ZNF568: variants seen among roughly 807,000 people sequenced by gnomAD.
ZNF568 encodes the protein p53 inhibitor of SCO2 activation.
Under a neutral mutation model 18.1 loss-of-function variants are expected in ZNF568, and 11 were observed. The ratio of observed to expected loss-of-function variants is 0.61; its 90% confidence interval spans 0.38 to 1.00. The LOEUF (loss-of-function observed/expected upper bound fraction) is 1.00, where lower values mean the gene tolerates loss of function less well. Ranked by LOEUF, ZNF568 falls within the 50% of genes least tolerant of loss-of-function variation. ZNF568 has a pLI of 0.01. For synonymous variants in ZNF568, 213 were observed against 246.6 expected, an observed-to-expected ratio of 0.86 and a Z score of 1.28; for missense variants, 639 against 768.2, an observed-to-expected ratio of 0.83 and a Z score of 1.99.
chr19:36,978,821 A>C (rs1000261706), intron 7 of ZNF568, among the ~76,000 whole-genome samples: 4 of 152,114 alleles, frequency 2.6e-5, no homozygotes, highest in Non-Finnish European at 4.4e-5. Flanking sequence ...TCCATTGTGC[A>C]AGAAACACAA....
chr19:36,936,872 G>C lies in ZNF568; in HGVS notation c.262G>C (p.Gly88Arg), dbSNP rs1199748702. 4 of 1,612,380 alleles carry C rather than the reference G, an allele frequency of 2.5e-6. No homozygotes were observed. Residue 88 changes from glycine (G) to arginine (R), a missense_variant and splice_region_variant, in exon 5 of 7, where the codon GGC becomes CGC. Transcript: ENST00000333987. ...LENYSNLVTV[G>R]CQVTKPDVIF... ...GAACTACAGCAACCTAGTCACAGTG[G>C]GTAAGGTGGCTTGGTAGCCTTGCAA...
chr19:36,935,102 A>G (rs980913968), intron 4 of ZNF568, among the ~76,000 whole-genome samples: 1 of 152,090 alleles, frequency 6.6e-6, no homozygotes, highest in Non-Finnish European at 1.5e-5. Context: ...GGCTTCTTTT[A>G]TAGACTAACA....
At chr19:36,997,339 C>CT (rs761569125), downstream of ZNF568, 1 of 1,602,068 alleles carries the variant, frequency 6.2e-7, no homozygotes, top group Non-Finnish European at 8.5e-7. Context: ...TGGCTCAGAA[C>CT]TTACCCGACA....
chr19:36,921,541 T>C (rs1320111370), intron 2 of ZNF568, among the ~76,000 whole-genome samples: 2 of 152,108 alleles, frequency 1.3e-5, no homozygotes, highest in Non-Finnish European at 2.9e-5. Flanking sequence ...ATCTCAAGCA[T>C]AGCACTTCTC....
intron 6 of ZNF568, among the ~76,000 whole-genome samples, chr19:36,946,104 T>C (rs2073960410): frequency 6.6e-6 from 1 of 151,636 alleles, no homozygotes. Flanking sequence ...AAAATAATAA[T>C]AATGATAACA....
chr19:36,993,831 G>A (rs1242950292), intron 4 of ZNF568, among the ~76,000 whole-genome samples: 4 of 151,976 alleles, frequency 2.6e-5, no homozygotes, highest in African/African-American at 9.6e-5. Context: ...CAATTCTGTT[G>A]ATCTTTTCCA....
In ZNF568 at chr19:36,950,048, A is replaced by T; in HGVS notation, c.895A>T (p.Ile299Phe). Residue 299 changes from isoleucine (I) to phenylalanine (F), a missense_variant, in exon 7 of 7, where the codon ATT becomes TTT. Ile to Phe is a conservative substitution (Grantham distance 21). Transcript: ENST00000333987. Reference protein sequence around the residue: ...QMSNLIRHHRIHTGEKPYACK... With the variant: ...QMSNLIRHHRFHTGEKPYACK... Reference sequence around the variant, plus strand: ...GTCAAACCTTATTAGACACCACAGAATTCATACTGGGGAGAAACCTTATGC... The same window carrying T: ...GTCAAACCTTATTAGACACCACAGATTTCATACTGGGGAGAAACCTTATGC... 6.2e-7 allele frequency: 1 copy of T among 1,613,844 alleles called. No homozygotes were observed. Among genetic ancestry groups the T allele is most frequent in the Non-Finnish European group, 8.5e-7 (1 of 1,179,886 alleles).
chr19:36,930,364 C>G (rs1600781965), intron 4 of ZNF568, among the ~76,000 whole-genome samples: 2 of 151,972 alleles, frequency 1.3e-5, no homozygotes, highest in Admixed American at 1.3e-4. Flanking sequence ...CGCTCGCCAC[C>G]ACACCCGGCT....
At chr19:36,943,056 G>T (rs1342489615) in intron 6 of ZNF568, among the ~76,000 whole-genome samples, 1 of 152,118 alleles carries the variant, frequency 6.6e-6, no homozygotes, top group Non-Finnish European at 1.5e-5. Context: ...ACCTCCTTGT[G>T]GTGGTGTTTG....
Position 36,949,733 on chromosome 19 carries a change from T to C in ZNF568, c.580T>C (p.Tyr194His). Residue 194 changes from tyrosine (Y) to histidine (H), a missense_variant, in exon 7 of 7, where the codon TAT becomes CAT. By Grantham distance (83) the Tyr-to-His change is moderately conservative. Transcript: ENST00000333987. The stretch of plus-strand genomic sequence containing the variant: ...GGAACATAATTTAGACTTACTTAGA[T>C]ATGAGAAAGGCTGTGTAAGAGAGAA... ...GLEHNLDLLRYEKGCVREKQS... is the reference protein window; with the variant it reads ...GLEHNLDLLRHEKGCVREKQS... 1.2e-6 allele frequency: 2 copies of C among 1,613,998 alleles called. No individual in the cohort carries two copies. Among genetic ancestry groups the C allele is most frequent in the Non-Finnish European group, 1.7e-6 (2 of 1,179,902 alleles).
At chr19:36,927,844 A>ATGTGTGTGTG (rs367925001) in intron 4 of ZNF568, among the ~76,000 whole-genome samples, 1 of 83,840 alleles carries the variant, frequency 1.2e-5, no homozygotes, top group Admixed American at 1.7e-4. Flanking sequence ...ATAAAGATAT[A>ATGTGTGTGTG]TGTGTGTGTG....
chr19:36,929,541 C>G (rs368968291), intron 4 of ZNF568, among the ~76,000 whole-genome samples: 1 of 151,938 alleles, frequency 6.6e-6, no homozygotes, highest in Non-Finnish European at 1.5e-5. Flanking sequence ...AAAAATTAGC[C>G]GGGTGTGGTC....
chr19:36,982,679 C>T (rs901043456), downstream of ZNF568, among the ~76,000 whole-genome samples: 5 of 152,094 alleles, frequency 3.3e-5, no homozygotes, highest in African/African-American at 9.7e-5. Context: ...GCACTCCAGC[C>T]TGGGTGACAA....
At chr19:36,958,519 T>A (rs1042728547) in intron 6 of ZNF568, among the ~76,000 whole-genome samples, 4 of 152,098 alleles carry the variant, frequency 2.6e-5, no homozygotes, top group African/African-American at 9.7e-5. Flanking sequence ...AATTAGTCTG[T>A]TTCATGTAGA....
At chr19:36,968,242 TATTA>T (rs1173730358) in intron 6 of ZNF568, among the ~76,000 whole-genome samples, 1 of 145,032 alleles carries the variant, frequency 6.9e-6, no homozygotes, top group East Asian at 1.9e-4. Context: ...GAGTAACACA[TATTA>T]ATTTACATGA....
At chr19:36,996,472 G>A (rs779344039) in exon 5 of ZNF568, 2 of 1,536,426 alleles carry the variant, frequency 1.3e-6, no homozygotes, top group Middle Eastern at 1.7e-4. Flanking sequence ...CAGACCAGCT[G>A]TAATACCATT....
chr19:36,924,952 T>C (rs2073527433), intron 3 of ZNF568, among the ~76,000 whole-genome samples: 1 of 152,174 alleles, frequency 6.6e-6, no homozygotes, highest in South Asian at 2.1e-4. Flanking sequence ...TCTAGGGAGA[T>C]AAAATATTGC....
intron 2 of ZNF568, among the ~76,000 whole-genome samples, chr19:36,985,689 A>C (rs1371937469): frequency 2.6e-5 from 4 of 152,018 alleles, no homozygotes; most frequent in Non-Finnish European, 5.9e-5. Flanking sequence ...TGCCCGGCTA[A>C]TTTTTGCATT....
At chr19:36,996,877 A>G (rs886311773) in exon 5 of ZNF568, 7 of 1,539,450 alleles carry the variant, frequency 4.5e-6, no homozygotes, top group Non-Finnish European at 6.1e-6. Context: ...GAAACCCTAT[A>G]AGTGTAGGGA....
Sources: gnomAD v4.1 joint callset for allele counts (sites outside exome capture counted in the v4.1 genomes callset) on GRCh38, gnomAD v4.1.1 for gene constraint, MANE v1.5 for transcripts, NCBI Gene and HGNC (gene_info 2026-07-23, HGNC 2026-07-21) for gene names.